The following MSRA variants were observed in gnomAD, a reference collection of about 807,000 sequenced individuals.
MSRA encodes methionine sulfoxide reductase A.
A neutral mutation model predicts 31.3 loss-of-function variants in MSRA; 54 were observed. That is an observed-to-expected ratio of 1.73 (90% confidence interval 1.39 to 2.17). The LOEUF (loss-of-function observed/expected upper bound fraction) is 2.17, where lower values mean the gene tolerates loss of function less well. MSRA is among the 30% of genes most tolerant of loss of function. MSRA has a pLI of 0.00. For synonymous variants in MSRA, 169 were observed against 116.5 expected (o/e 1.45, Z -2.90); for missense variants, 507 against 300.9 (o/e 1.69, Z -5.07).
intron 3 of MSRA, among the ~76,000 whole-genome samples, chr8:10,298,259 C>G (rs1008260206): frequency 7.2e-5 from 11 of 152,126 alleles, no homozygotes; most frequent in African/African-American, 2.4e-4. Flanking sequence ...GATAAACAAA[C>G]AAAATACACC....
intron 2 of MSRA, among the ~76,000 whole-genome samples, chr8:10,233,917 A>T (rs1334670937): frequency 6.6e-6 from 1 of 152,230 alleles, no homozygotes; most frequent in African/African-American, 2.4e-5. Flanking sequence ...ATGAAAAAAT[A>T]TTAATAACTG....
At chr8:10,160,868 TG>T (rs1804578017) in intron 1 of MSRA, among the ~76,000 whole-genome samples, 1 of 152,344 alleles carries the variant, frequency 6.6e-6, no homozygotes, top group African/African-American at 2.4e-5. Context: ...AGAAGTGACT[TG>T]AGTTCCAAAT....
chr8:10,368,081 G>A (rs1174380496), intron 5 of MSRA, among the ~76,000 whole-genome samples: 1 of 152,164 alleles, frequency 6.6e-6, no homozygotes, highest in Non-Finnish European at 1.5e-5. Context: ...TGCCACAGCA[G>A]AGCCAGGCAC....
At chr8:10,275,373 T>A (rs1263486361) in intron 3 of MSRA, among the ~76,000 whole-genome samples, 2 of 152,240 alleles carry the variant, frequency 1.3e-5, no homozygotes, top group Non-Finnish European at 2.9e-5. Flanking sequence ...ATTTCCTTAG[T>A]CCAAGCCTTG....
At chr8:10,219,687 T>G (rs1810309226) in intron 2 of MSRA, among the ~76,000 whole-genome samples, 2 of 150,806 alleles carry the variant, frequency 1.3e-5, no homozygotes. Context: ...ACGCCTGTAG[T>G]CCCAGCTACT....
At chr8:10,263,557 T>C (rs1209201088) in intron 3 of MSRA, among the ~76,000 whole-genome samples, 1 of 152,232 alleles carries the variant, frequency 6.6e-6, no homozygotes, top group Non-Finnish European at 1.5e-5. Context: ...ATTCTTTGGC[T>C]TTGTTTTTAA....
intron 1 of MSRA, among the ~76,000 whole-genome samples, chr8:10,102,407 T>C (rs1799590227): frequency 1.3e-5 from 2 of 152,362 alleles, no homozygotes; most frequent in African/African-American, 4.8e-5. Context: ...TCTGTCATCT[T>C]CATTCTGCTG....
intron 1 of MSRA, among the ~76,000 whole-genome samples, chr8:10,147,648 G>T (rs1803262043): frequency 1.3e-5 from 2 of 152,184 alleles, no homozygotes; most frequent in Admixed American, 6.5e-5. Context: ...GCCACCTCTT[G>T]ATGCCTGGCA....
chr8:10,178,717 A>G (rs1053046460), intron 1 of MSRA, among the ~76,000 whole-genome samples: 4 of 152,218 alleles, frequency 2.6e-5, no homozygotes, highest in South Asian at 2.1e-4. Context: ...ACCCAGGTTC[A>G]TAAGTAGGCT....
At chr8:10,387,978 C>A (rs1315920753) in intron 5 of MSRA, among the ~76,000 whole-genome samples, 1 of 152,100 alleles carries the variant, frequency 6.6e-6, no homozygotes, top group Non-Finnish European at 1.5e-5. Context: ...TCTCTGAGCC[C>A]CAACATCATA....
At chr8:10,422,316 C>T (rs775807538) in intron 5 of MSRA, among the ~76,000 whole-genome samples, 17 of 152,160 alleles carry the variant, frequency 1.1e-4, no homozygotes, top group Non-Finnish European at 2.4e-4. Flanking sequence ...GGGCATGGTG[C>T]ACTTTCTGTG....
intron 1 of MSRA, among the ~76,000 whole-genome samples, chr8:10,128,904 A>G (rs1332423611): frequency 6.6e-6 from 1 of 152,198 alleles, no homozygotes; most frequent in Non-Finnish European, 1.5e-5. Flanking sequence ...TTTCCAGGAG[A>G]GGAGTTTAGG....
intron 5 of MSRA, among the ~76,000 whole-genome samples, chr8:10,422,822 C>T (rs1189281068): frequency 1.3e-5 from 2 of 152,202 alleles, no homozygotes; most frequent in Non-Finnish European, 2.9e-5. Context: ...GCAGCAAGAG[C>T]ACCTCTTTCC....
rs984033596 is a variant in MSRA at position 10,180,878 on chromosome 8, C to G, written c.143-26955C>G. Among the ~76,000 whole-genome samples, 11 of 152,334 alleles carry G rather than the reference C, an allele frequency of 7.2e-5. 1 individual carries two copies. Among genetic ancestry groups the G allele is most frequent in the African/African-American group, 2.4e-4 (10 of 41,574 alleles). On this transcript the variant is annotated intron_variant, in intron 1 of 5. Coordinates refer to ENST00000317173, the MANE Select transcript of MSRA (RefSeq NM_012331.5). ...CTAAAATGCTCCATCTATTTCTTCA[C>G]TACTTCCAAATGTTGCCACATTTTT...
chr8:10,181,907 G>A (rs1180634274), intron 1 of MSRA, among the ~76,000 whole-genome samples: 3 of 152,126 alleles, frequency 2.0e-5, no homozygotes, highest in African/African-American at 4.8e-5. Context: ...GCTCAACTTC[G>A]TGATTGGTGT....
intron 1 of MSRA, among the ~76,000 whole-genome samples, chr8:10,093,461 G>A (rs866352599): frequency 1.3e-5 from 2 of 151,992 alleles, no homozygotes; most frequent in Non-Finnish European, 2.9e-5. Flanking sequence ...ATATAGCTCT[G>A]TTCTATTCCT....
chr8:10,176,372 G>A (rs1806052639), intron 1 of MSRA, among the ~76,000 whole-genome samples: 1 of 152,166 alleles, frequency 6.6e-6, no homozygotes, highest in South Asian at 2.1e-4. Context: ...AGAAGAATAG[G>A]GCTTAGTTCA....
chr8:10,097,718 G>C (rs1168417862), intron 1 of MSRA, among the ~76,000 whole-genome samples: 1 of 152,020 alleles, frequency 6.6e-6, no homozygotes, highest in East Asian at 1.9e-4. Flanking sequence ...AGCGAACTCA[G>C]AACAAACTTA....
chr8:10,274,495 C>G (rs1412505331), intron 3 of MSRA, among the ~76,000 whole-genome samples: 1 of 152,142 alleles, frequency 6.6e-6, no homozygotes, highest in Non-Finnish European at 1.5e-5. Context: ...TGCGGAAGTT[C>G]AGCTGGGATA....
Sources: allele counts gnomAD v4.1 joint callset (sites outside exome capture counted in the v4.1 genomes callset), GRCh38; gene constraint gnomAD v4.1.1; transcripts MANE v1.5; gene names NCBI Gene and HGNC (gene_info 2026-07-23, HGNC 2026-07-21).